Variants in CAMK4 observed in about 807,000 individuals in gnomAD.
The protein encoded by CAMK4 is calcium/calmodulin dependent protein kinase IV.
In CAMK4, 22 loss-of-function variants were observed where a neutral mutation model predicts 44.9. The observed-to-expected ratio is 0.49, with a 90% confidence interval of 0.35 to 0.70. CAMK4 has a LOEUF of 0.70. Among genes scored for constraint, CAMK4 ranks in the 30% least tolerant of loss-of-function variants. The pLI is 0.01. For synonymous variants in CAMK4, 218 were observed against 215.4 expected (o/e 1.01, Z -0.11); for missense variants, 498 against 586.8 (o/e 0.85, Z 1.56).
At chr5:111,419,778 G>T (rs928900471) in intron 5 of CAMK4, among the ~76,000 whole-genome samples, 2 of 151,956 alleles carry the variant, frequency 1.3e-5, no homozygotes, top group South Asian at 4.1e-4. Flanking sequence ...ATTTCTGAGG[G>T]CTCTGTTCTG....
At chr5:111,455,868 G>T (rs1182181434) in intron 7 of CAMK4, among the ~76,000 whole-genome samples, 2 of 152,142 alleles carry the variant, frequency 1.3e-5, no homozygotes, top group African/African-American at 4.8e-5. Flanking sequence ...CTAAATCTCA[G>T]TCTCCTCAAC....
chr5:111,276,840 T>C (rs1750779918), intron 1 of CAMK4, among the ~76,000 whole-genome samples: 1 of 152,120 alleles, frequency 6.6e-6, no homozygotes. Flanking sequence ...GAAGAATCCT[T>C]ACCAAAAATT....
intron 4 of CAMK4, among the ~76,000 whole-genome samples, chr5:111,385,445 G>T (rs920868127): frequency 9.2e-5 from 14 of 151,920 alleles, no homozygotes; most frequent in Admixed American, 1.3e-4. Context: ...TACACTGTTG[G>T]GTAAAATATG....
intron 1 of CAMK4, among the ~76,000 whole-genome samples, chr5:111,242,563 T>C (rs1369566865): frequency 6.6e-6 from 1 of 152,182 alleles, no homozygotes; most frequent in Non-Finnish European, 1.5e-5. Context: ...GCTTGTAAGA[T>C]GACCTTTCTA....
At chr5:111,338,849 G>T (rs1051040367) in intron 1 of CAMK4, among the ~76,000 whole-genome samples, 3 of 151,144 alleles carry the variant, frequency 2.0e-5, no homozygotes, top group African/African-American at 7.3e-5. Flanking sequence ...GTACTATGCT[G>T]TTTTGGTTAC....
chr5:111,241,216 A>G (rs1262662629), intron 1 of CAMK4, among the ~76,000 whole-genome samples: 2 of 151,542 alleles, frequency 1.3e-5, no homozygotes, highest in African/African-American at 2.4e-5. Flanking sequence ...TCTAGGGTCC[A>G]GTCTAGGCAA....
intron 4 of CAMK4, among the ~76,000 whole-genome samples, chr5:111,390,857 A>G (rs1398825233): frequency 6.6e-6 from 1 of 152,170 alleles, no homozygotes; most frequent in Non-Finnish European, 1.5e-5. Flanking sequence ...AACTAATGAC[A>G]ACAGGAAGAG....
chr5:111,225,981 G>A (rs1748170617), intron 1 of CAMK4, among the ~76,000 whole-genome samples: 1 of 152,112 alleles, frequency 6.6e-6, no homozygotes, highest in Non-Finnish European at 1.5e-5. Context: ...ATTTTTGTAA[G>A]GTCCAAAACA....
At chr5:111,388,771 A>G (rs990865029) in intron 4 of CAMK4, among the ~76,000 whole-genome samples, 1 of 152,210 alleles carries the variant, frequency 6.6e-6, no homozygotes, top group Non-Finnish European at 1.5e-5. Flanking sequence ...ATATTTATTG[A>G]ATAAATAAAT....
intron 5 of CAMK4, among the ~76,000 whole-genome samples, chr5:111,416,856 T>C (rs7701190): frequency 2.6e-5 from 4 of 152,150 alleles, no homozygotes; most frequent in East Asian, 1.9e-4. Context: ...TTATAAATTG[T>C]TAATAAATTA....
At chr5:111,470,801 G>C (rs1755037343) in intron 7 of CAMK4, among the ~76,000 whole-genome samples, 1 of 152,216 alleles carries the variant, frequency 6.6e-6, no homozygotes, top group Non-Finnish European at 1.5e-5. Context: ...ATGAGCATGA[G>C]CATTTTTGTG....
At chr5:111,466,680 C>T (rs1378683090) in intron 7 of CAMK4, among the ~76,000 whole-genome samples, 2 of 152,172 alleles carry the variant, frequency 1.3e-5, no homozygotes, top group Non-Finnish European at 2.9e-5. Flanking sequence ...CTATAAAACA[C>T]TGCTGAAGGA....
intron 1 of CAMK4, among the ~76,000 whole-genome samples, chr5:111,273,728 TACATACACACACACACGCTCACACAC>T (rs1561378085): frequency 1.0e-5 from 1 of 95,698 alleles, no homozygotes; most frequent in African/African-American, 3.9e-5. Context: ...TACACACACA[TACATACACACACACACGCTCACACAC>T]ACATACACAC....
intron 5 of CAMK4, among the ~76,000 whole-genome samples, chr5:111,400,056 C>T (rs921844879): frequency 6.6e-6 from 1 of 152,154 alleles, no homozygotes; most frequent in African/African-American, 2.4e-5. Context: ...GTTCCTAGAA[C>T]TCTGACTCAA....
chr5:111,310,980 G>A (rs1443989424), intron 1 of CAMK4, among the ~76,000 whole-genome samples: 1 of 152,034 alleles, frequency 6.6e-6, no homozygotes, highest in Non-Finnish European at 1.5e-5. Context: ...AAGAACACCA[G>A]TATAATACAG....
intron 5 of CAMK4, among the ~76,000 whole-genome samples, chr5:111,440,544 A>C (rs1753788017): frequency 6.6e-6 from 1 of 151,934 alleles, no homozygotes. Flanking sequence ...AGAGTGAAGA[A>C]AGACATAAAT....
Position 111,224,783 on chromosome 5 carries a change from G to C in CAMK4, c.161+139G>C. On this transcript the variant is annotated intron_variant, in intron 1 of 10. Transcript: ENST00000282356. This position sits in a 1 kb window ranked among gnomAD's most constrained non-coding sequence, Gnocchi z 5.7. ...TACCTAGTTAGTGTCTTGAGAGAGA[G>C]CTAACCTTCATTCAGGTGCGGCTCG... 1 of 840,558 alleles carries C rather than the reference G, an allele frequency of 1.2e-6. No homozygotes were observed. The highest frequency in any genetic ancestry group is 1.8e-6 in the Non-Finnish European group (1 of 560,158). The allele number at this position is 840,558 out of a possible 1,614,324, so 52.1% of individuals were successfully genotyped here.
intron 1 of CAMK4, among the ~76,000 whole-genome samples, chr5:111,261,324 G>A (rs375608791): frequency 2.0e-4 from 30 of 152,288 alleles, no homozygotes; most frequent in African/African-American, 7.2e-4. Context: ...AATGTCTGGT[G>A]CATAATATGC....
At chr5:111,352,417 T>C (rs905884986) in intron 2 of CAMK4, among the ~76,000 whole-genome samples, 1 of 152,102 alleles carries the variant, frequency 6.6e-6, no homozygotes, top group African/African-American at 2.4e-5. Flanking sequence ...AATGATATTT[T>C]ATAGCCATTA....
Sources: allele counts gnomAD v4.1 joint callset (sites outside exome capture counted in the v4.1 genomes callset), GRCh38; gene constraint gnomAD v4.1.1; non-coding constraint Gnocchi (gnomAD v3.1); transcripts MANE v1.5; gene names NCBI Gene and HGNC (gene_info 2026-07-23, HGNC 2026-07-21).